Variants in KNTC1 observed in about 807,000 individuals in gnomAD.
The protein encoded by KNTC1 is kinetochore associated 1, also known as kinetochore-associated protein 1.
In KNTC1, 253 loss-of-function variants were observed where a neutral mutation model predicts 314.4. The observed-to-expected ratio is 0.80, with a 90% CI of 0.73 to 0.89. The LOEUF (loss-of-function observed/expected upper bound fraction) is 0.89. Among genes scored for constraint, KNTC1 ranks in the 40% least tolerant of loss-of-function variants. The pLI, the probability that KNTC1 is intolerant of heterozygous loss-of-function variation, is 0.00. For missense variants in KNTC1, 2,475 were observed against 2,572.9 expected, an observed-to-expected ratio of 0.96 and a Z score of 0.82; for synonymous variants, 901 against 901.4, an observed-to-expected ratio of 1.00 and a Z score of 0.01.
intron 1 of KNTC1, among the ~76,000 whole-genome samples, chr12:122,529,059 G>T (rs1349244638): frequency 1.3e-5 from 2 of 152,096 alleles, no homozygotes; most frequent in African/African-American, 2.4e-5. Flanking sequence ...GGCCAGGCTG[G>T]TCTCAAACTC....
At chr12:122,610,183 C>T (rs919606438) in intron 52 of KNTC1, among the ~76,000 whole-genome samples, 11 of 152,134 alleles carry the variant, frequency 7.2e-5, no homozygotes, top group Non-Finnish European at 1.5e-4. Context: ...GCACCTTGGC[C>T]TCATTTAGTC....
At chr12:122,574,162 G>A (rs1040698632) in intron 26 of KNTC1, 120 bp from the exon 27 acceptor site, 15 of 577,026 alleles carry the variant, frequency 2.6e-5, no homozygotes, top group African/African-American at 2.5e-4. Context: ...AGAATTTTTA[G>A]GTTTTTTTTC....
chr12:122,547,375 C>CAA, intron 10 of KNTC1, 40 bp from the exon 11 acceptor site: 1 of 1,288,838 alleles, frequency 7.8e-7, no homozygotes, highest in Non-Finnish European at 1.1e-6. Flanking sequence ...AACTCTGTCT[C>CAA]AAAAAAAAAG....
At chr12:122,527,442 C>T (rs1386975822) in intron 1 of KNTC1, 91 bp downstream of exon 1, 2 of 153,002 alleles carry the variant, frequency 1.3e-5, no homozygotes, top group African/African-American at 4.8e-5. Flanking sequence ...TTGTTTTCCC[C>T]TTGACGCTGG....
At chr12:122,625,095 A>G in intron 63 of KNTC1, among the ~76,000 whole-genome samples, 1 of 152,258 alleles carries the variant, frequency 6.6e-6, no homozygotes, top group South Asian at 2.1e-4. Context: ...CCTAAAACGT[A>G]TATTCACTGC....
intron 51 of KNTC1, among the ~76,000 whole-genome samples, chr12:122,607,748 C>T (rs1234279434): frequency 1.3e-5 from 2 of 152,172 alleles, no homozygotes; most frequent in Non-Finnish European, 1.5e-5. Flanking sequence ...TACCCCTGCA[C>T]ACCTGATTTA....
At chr12:122,588,310 G>A (rs1035063351) in intron 39 of KNTC1, among the ~76,000 whole-genome samples, 2 of 152,130 alleles carry the variant, frequency 1.3e-5, no homozygotes, top group African/African-American at 4.8e-5. Flanking sequence ...TCATTGAAGA[G>A]ATTCTAGAAG....
In KNTC1 at chr12:122,566,410, A is replaced by AT. The variant is rs35536788; in HGVS notation, c.1605-1839dup. Among the ~76,000 whole-genome samples the AT allele has an allele frequency of 8.2e-4, 119 of 144,920 alleles. 3 individuals carry two copies. In the East Asian group the frequency reaches 0.017, roughly 21 times the overall value. On this transcript the variant is annotated intron_variant, in intron 20 of 63. Coordinates refer to ENST00000333479, the MANE Select transcript of KNTC1 (RefSeq NM_014708.6). ...AGGCACGTGCCACTGCACCTGGATA[A>AT]TTTTTTTTTTTTCTTTTAATACGGA...
chr12:122,593,496 C>T lies in KNTC1; in HGVS notation c.4246-780C>T, dbSNP rs144784170. 8.6e-3 allele frequency: 1,301 copies of T among 152,050 alleles called. 17 individuals carry two copies. Among genetic ancestry groups the T allele is most frequent in the African/African-American group, 0.03 (1,253 of 41,380 alleles). 9.4% of individuals were successfully genotyped at this position (152,050 alleles called of 1,614,324 possible). On this transcript the variant is annotated intron_variant, in intron 42 of 63. Coordinates refer to ENST00000333479, the MANE Select transcript of KNTC1 (RefSeq NM_014708.6). ...CCAGGATGGTCTCCCATCTCTTGACCTCGTGATCCGCCCACGTCGGCCTCC... is the reference window on the plus strand; with the variant it reads ...CCAGGATGGTCTCCCATCTCTTGACTTCGTGATCCGCCCACGTCGGCCTCC...
In KNTC1 at chr12:122,606,343, G is replaced by A. The variant is rs559874574; in HGVS notation, c.5496+928G>A. 9.4e-5 allele frequency among the ~76,000 whole-genome samples: 14 copies of A among 148,678 alleles called. 1 individual carries two copies. Among genetic ancestry groups the A allele is most frequent in the Admixed American group, 8.9e-4 (13 of 14,614 alleles). ...AGAGATTCTCCCTCCTCAGCTTCCCGAGTAGCTGGGGTTACAGGTGTGCGC... is the reference window on the plus strand; with the variant it reads ...AGAGATTCTCCCTCCTCAGCTTCCCAAGTAGCTGGGGTTACAGGTGTGCGC... On this transcript the variant is annotated intron_variant, in intron 51 of 63. Transcript: ENST00000333479.
Position 122,613,695 on chromosome 12 carries a change from A to G in KNTC1, c.5811A>G (p.Leu1937=), listed in dbSNP as rs746320322. The part of the protein sequence containing the change: ...ETLNIPITYE[L]FCSSPKEGMI... ...TGAATATCCCCATCACATATGAATT[A>G]TTTTGCAGCAGTCCTAAAGAAGGAA... The change falls in exon 55 of 64, where the codon TTA becomes TTG. Residue 1937 remains leucine (L), a synonymous_variant. Transcript: ENST00000333479. The G allele has an allele frequency of 6.2e-7, 1 of 1,613,306 alleles. No individual in the cohort carries two copies. The highest frequency in any genetic ancestry group is 8.5e-7 in the Non-Finnish European group (1 of 1,179,662).
At position 122,584,378 on chromosome 12, in the gene KNTC1, G is replaced by T; in HGVS notation, c.3364G>T (p.Val1122Leu). 5 of 1,613,566 alleles carry T rather than the reference G, an allele frequency of 3.1e-6. No individual in the cohort carries two copies. The highest frequency in any genetic ancestry group is 4.2e-6 in the Non-Finnish European group (5 of 1,179,546). The change falls in exon 35 of 64, where the codon GTG (valine) becomes TTG (leucine). Residue 1122 changes from valine to leucine, a missense_variant. Transcript: ENST00000333479. ...GTTGGCTGATAATGTCCCAGTGACA[G>T]TGCCTGTGGGACTGAATCTTCCTTC... ...QMLADNVPVT[V>L]PVGLNLPSMI...
rs545085586 is a variant in KNTC1, at chr12:122,582,914, A to G, written c.3192A>G (p.Gln1064=). Residue 1064 remains glutamine, a synonymous_variant, in exon 34 of 64, where the codon CAA becomes CAG. Coordinates refer to ENST00000333479, the MANE Select transcript of KNTC1 (RefSeq NM_014708.6). ...RQALALQMSK[Q]ELEAELTLRA... is the part of the protein sequence containing the mutation. Reference sequence around the variant, plus strand: ...CACTGGCCCTGCAGATGTCCAAACAAGAGCTGGAGGCAGAGCTGACCTTGA... The same window carrying G: ...CACTGGCCCTGCAGATGTCCAAACAGGAGCTGGAGGCAGAGCTGACCTTGA... The G allele has an allele frequency of 1.2e-6, 2 of 1,613,674 alleles. No individual in the cohort carries two copies. The highest frequency in any genetic ancestry group is 1.3e-5 in the African/African-American group (1 of 75,056).
At chr12:122,534,602 A>G (rs771837079) in intron 2 of KNTC1, 62 bp from the exon 3 acceptor site, 38 of 1,462,434 alleles carry the variant, frequency 2.6e-5, no homozygotes, top group East Asian at 5.0e-5. Context: ...GATACTATTG[A>G]TAAGTATTAT....
intron 53 of KNTC1, 145 bp from the exon 54 acceptor site, chr12:122,612,965 ACT>A (rs1425476449): frequency 1.7e-6 from 1 of 603,462 alleles, no homozygotes; most frequent in African/African-American, 1.9e-5. Flanking sequence ...GTTAAGAACC[ACT>A]GTTACACACA....
At position 122,615,470 on chromosome 12, in the gene KNTC1, A is replaced by G. The variant is rs1391708995; in HGVS notation, c.5974A>G (p.Ile1992Val). 5 of 1,513,650 alleles carry G rather than the reference A, an allele frequency of 3.3e-6. No homozygotes were observed. Among genetic ancestry groups the G allele is most frequent in the Non-Finnish European group, 4.4e-6 (5 of 1,127,072 alleles). 93.8% of individuals were successfully genotyped at this position (1,513,650 alleles called of 1,614,324 possible). A position where few individuals can be genotyped will look rare whatever the true frequency, so the allele number is the denominator to read the frequency against. Residue 1992 changes from isoleucine to valine, a missense_variant and splice_region_variant, in exon 57 of 64, where the codon ATT becomes GTT. Ile to Val is a conservative substitution (Grantham distance 29). Coordinates refer to ENST00000333479, the MANE Select transcript of KNTC1 (RefSeq NM_014708.6). ...LLQKLLGFNM[I>V]PYLRKVLKAI... is the part of the protein sequence containing the mutation. ...CTTTTTTATTTTTAATTTTTTACAGATTCCTTATCTAAGGAAAGTTTTAAA... is the reference window on the plus strand; with the variant it reads ...CTTTTTTATTTTTAATTTTTTACAGGTTCCTTATCTAAGGAAAGTTTTAAA...
At chr12:122,549,710 T>C (rs900119288) in intron 12 of KNTC1, 56 bp from the exon 13 acceptor site, 3 of 869,470 alleles carry the variant, frequency 3.5e-6, no homozygotes, top group African/African-American at 3.3e-5. Flanking sequence ...AGTGCTGTTT[T>C]GTACTTGCAT....
chr12:122,598,178 A>C (rs1320037092), intron 44 of KNTC1, among the ~76,000 whole-genome samples: 3 of 152,122 alleles, frequency 2.0e-5, no homozygotes, highest in Non-Finnish European at 2.9e-5. Context: ...AATTTATATG[A>C]GCTAGAGAGA....
chr12:122,536,786 G>A (rs568489583), intron 3 of KNTC1, among the ~76,000 whole-genome samples: 56 of 152,172 alleles, frequency 3.7e-4, no homozygotes, highest in South Asian at 8.3e-4. Context: ...CCAAAGTGCT[G>A]GGATTACAGG....
Sources: gnomAD v4.1 joint callset for allele counts (sites outside exome capture counted in the v4.1 genomes callset) on GRCh38, gnomAD v4.1.1 for gene constraint, MANE v1.5 for transcripts, NCBI Gene and HGNC (gene_info 2026-07-23, HGNC 2026-07-21) for gene names.